Variants in MRTFA observed in about 807,000 individuals in gnomAD.
MRTFA encodes myocardin-related transcription factor A.
In MRTFA, 20 loss-of-function variants were observed where a neutral mutation model predicts 83.5. The observed-to-expected ratio is 0.24, with a 90% CI of 0.17 to 0.35. MRTFA has a LOEUF of 0.35. Among genes scored for constraint, MRTFA ranks in the 10% least tolerant of loss-of-function variants. The pLI, the probability that MRTFA is intolerant of heterozygous loss-of-function variation, is 1.00. For missense variants in MRTFA, 1,200 were observed against 1,224.7 expected, an observed-to-expected ratio of 0.98 and a Z score of 0.30; for synonymous variants, 659 against 541.2, an observed-to-expected ratio of 1.22 and a Z score of -3.02.
In MRTFA at chr22:40,410,746, G is replaced by T; in HGVS notation, c.*644C>A. ...CATCCAGGCCCTTCTGTGAGAGTAGGATGGGAGGGAGTTGCACCCATCTCC... is the reference window on the plus strand; with the variant it reads ...CATCCAGGCCCTTCTGTGAGAGTAGTATGGGAGGGAGTTGCACCCATCTCC... On this transcript the variant is annotated 3_prime_UTR_variant, in exon 15 of 15. Coordinates refer to ENST00000355630, the MANE Select transcript of MRTFA (RefSeq NM_020831.6). The T allele has an allele frequency of 4.3e-6, 1 of 232,960 alleles. No homozygotes were observed. The highest frequency in any genetic ancestry group is 8.5e-6 in the Non-Finnish European group (1 of 117,870). The allele number at this position is 232,960 out of a possible 1,614,324, so 14.4% of individuals were successfully genotyped here.
At chr22:40,602,918 T>A (rs755265321) in intron 1 of MRTFA, among the ~76,000 whole-genome samples, 1 of 152,112 alleles carries the variant, frequency 6.6e-6, no homozygotes, top group Admixed American at 6.6e-5. Flanking sequence ...AAAACTGGCA[T>A]CACAAGAAAG....
chr22:40,610,349 C>CT (rs1472466565), intron 1 of MRTFA, among the ~76,000 whole-genome samples: 1 of 152,140 alleles, frequency 6.6e-6, no homozygotes, highest in African/African-American at 2.4e-5. Context: ...TACCCAGCCT[C>CT]TTTTTTCCTC....
chr22:40,493,477 C>G lies in MRTFA; in HGVS notation c.242-30191G>C, dbSNP rs539948896. Reference sequence around the variant, plus strand: ...CAGGGGCACTTTGAGAGTAAAATCACTGATGCTCGTCCATCCCTTGCACTG... The same window carrying G: ...CAGGGGCACTTTGAGAGTAAAATCAGTGATGCTCGTCCATCCCTTGCACTG... On this transcript the variant is annotated intron_variant, in intron 3 of 14. Transcript: ENST00000355630. 1.4e-3 allele frequency among the ~76,000 whole-genome samples: 209 copies of G among 152,324 alleles called. 1 individual carries two copies. Among genetic ancestry groups the G allele is most frequent in the Non-Finnish European group, 1.1e-3 (72 of 68,030 alleles).
chr22:40,412,580 T>C (rs2052582088), intron 14 of MRTFA: 1 of 152,228 alleles, frequency 6.6e-6, no homozygotes, highest in African/African-American at 2.4e-5. Flanking sequence ...CCTATGTCCA[T>C]CAATGGATGA....
intron 3 of MRTFA, chr22:40,526,722 T>C (rs1387436618): frequency 6.6e-6 from 1 of 152,182 alleles, no homozygotes. Flanking sequence ...TGTGTGTCCT[T>C]AAGCTTTTGA....
chr22:40,516,433 A>AG (rs2054760338), intron 3 of MRTFA, among the ~76,000 whole-genome samples: 2 of 150,918 alleles, frequency 1.3e-5, no homozygotes, highest in African/African-American at 4.9e-5. Context: ...AAAAAAAAAA[A>AG]AAAAAAAAAA....
intron 8 of MRTFA, 110 bp from the exon 9 acceptor site, chr22:40,423,795 T>G (rs2052894820): frequency 9.5e-7 from 1 of 1,056,004 alleles, no homozygotes; most frequent in Non-Finnish European, 1.3e-6. Flanking sequence ...AGAGGGCAAA[T>G]GGTGGGCAGA....
chr22:40,469,939 T>C (rs566507488), intron 3 of MRTFA, among the ~76,000 whole-genome samples: 2 of 151,738 alleles, frequency 1.3e-5, no homozygotes, highest in South Asian at 4.2e-4. Flanking sequence ...ATAAAGAATA[T>C]ATGGCTGGGC....
intron 1 of MRTFA, among the ~76,000 whole-genome samples, chr22:40,617,249 G>A (rs187493956): frequency 6.4e-4 from 97 of 150,724 alleles, no homozygotes; most frequent in Non-Finnish European, 1.1e-3. Context: ...CAGGCAAAAT[G>A]ATGAAGATAC....
At chr22:40,467,995 T>A (rs749895606) in intron 3 of MRTFA, among the ~76,000 whole-genome samples, 3 of 152,032 alleles carry the variant, frequency 2.0e-5, no homozygotes, top group Non-Finnish European at 4.4e-5. Context: ...AACCCAACCA[T>A]AAAGTGAAAA....
intron 2 of MRTFA, among the ~76,000 whole-genome samples, chr22:40,578,797 C>A (rs558699012): frequency 7.9e-5 from 12 of 152,100 alleles, no homozygotes; most frequent in Non-Finnish European, 1.3e-4. Context: ...GTGGCACACA[C>A]CTGTGGTCCC....
At position 40,627,101 on chromosome 22, in the gene MRTFA, CA is replaced by C. The variant is rs992759261; in HGVS notation, c.-84+9376del. ...AATTTAAAAGATACTGAAACACTGA[CA>C]AAAAAAAAAATTCTAAAAATGTGGA... On this transcript the variant is annotated intron_variant, in intron 1 of 14. Transcript: ENST00000355630. 9.2e-4 allele frequency among the ~76,000 whole-genome samples: 134 copies of C among 145,070 alleles called. 1 individual carries two copies. Among genetic ancestry groups the C allele is most frequent in the Middle Eastern group, 6.9e-3 (2 of 288 alleles).
intron 3 of MRTFA, among the ~76,000 whole-genome samples, chr22:40,502,552 G>C (rs993279984): frequency 1.4e-5 from 2 of 143,376 alleles, no homozygotes; most frequent in African/African-American, 5.2e-5. Flanking sequence ...GGGCGGAGAC[G>C]CTCCTCACTT....
chr22:40,620,268 G>A (rs2056505970), intron 1 of MRTFA, among the ~76,000 whole-genome samples: 1 of 151,836 alleles, frequency 6.6e-6, no homozygotes, highest in Non-Finnish European at 1.5e-5. Flanking sequence ...GGGATTACAG[G>A]CATGCATTAC....
intron 4 of MRTFA, among the ~76,000 whole-genome samples, chr22:40,445,266 T>G (rs1460392569): frequency 6.6e-6 from 1 of 152,172 alleles, no homozygotes; most frequent in Non-Finnish European, 1.5e-5. Flanking sequence ...TTAGCCATAT[T>G]TATTCTCTTT....
chr22:40,471,559 G>T (rs1334185088), intron 3 of MRTFA, among the ~76,000 whole-genome samples: 2 of 152,204 alleles, frequency 1.3e-5, no homozygotes, highest in African/African-American at 2.4e-5. Flanking sequence ...GGTCCAGAAA[G>T]CTTCGCTGAT....
intron 5 of MRTFA, among the ~76,000 whole-genome samples, chr22:40,435,043 CAAG>C (rs59667715): frequency 0.034 from 5,155 of 152,202 alleles, 293 homozygotes; most frequent in African/African-American, 0.12. Context: ...AGATGGAGAC[CAAG>C]AAGGTTTCCT....
At chr22:40,517,726 T>C (rs2054785234) in intron 3 of MRTFA, among the ~76,000 whole-genome samples, 5 of 152,224 alleles carry the variant, frequency 3.3e-5, no homozygotes. Flanking sequence ...GAGTCGTCTT[T>C]TGTTATTCAT....
At position 40,418,967 on chromosome 22, in the gene MRTFA, C is replaced by T; in HGVS notation, c.1771G>A (p.Ala591Thr). 1.2e-6 allele frequency: 2 copies of T among 1,612,884 alleles called. No homozygotes were observed. The highest frequency in any genetic ancestry group is 4.5e-5 in the East Asian group (2 of 44,874). Residue 591 changes from alanine to threonine, a missense_variant, in exon 12 of 15, where the codon GCC (alanine) becomes ACC (threonine). By Grantham distance (58) the Ala-to-Thr change is moderately conservative (BLOSUM62 0). Coordinates refer to ENST00000355630, the MANE Select transcript of MRTFA (RefSeq NM_020831.6). The stretch of plus-strand genomic sequence containing the variant: ...TTCACGAGGATCTGCAGTGGCGAGG[C>T]CTGCAGGGTCAGCTGCGTCAGAGGT...
Sources: allele counts gnomAD v4.1 joint callset (sites outside exome capture counted in the v4.1 genomes callset), GRCh38; gene constraint gnomAD v4.1.1; transcripts MANE v1.5; gene names NCBI Gene and HGNC (gene_info 2026-07-23, HGNC 2026-07-21).